The following SUGCT variants were observed in gnomAD, a reference collection of about 807,000 sequenced individuals.
The protein encoded by SUGCT is succinyl-CoA:glutarate CoA-transferase.
SUGCT carries 41 observed loss-of-function variants against 55.0 expected under a neutral mutation model. The ratio of observed to expected loss-of-function variants is 0.74; its 90% CI spans 0.58 to 0.97. The LOEUF (loss-of-function observed/expected upper bound fraction) is 0.97, where lower values mean the gene tolerates loss of function less well. Among genes scored for constraint, SUGCT ranks in the 50% least tolerant of loss-of-function variants. The probability of loss-of-function intolerance (pLI) is 0.00; values close to 1 mark genes in which losing one functional copy is unlikely to be tolerated. For synonymous variants in SUGCT, 187 were observed against 200.4 expected, an observed-to-expected ratio of 0.93 and a Z score of 0.56; for missense variants, 568 against 547.8, an observed-to-expected ratio of 1.04 and a Z score of -0.37.
chr7:40,247,092 C>T lies in SUGCT; in HGVS notation c.576+9366C>T, dbSNP rs769907103. ...TTCTGAATGCCTTTTGTTTGACATG[C>T]GTATTGATTTCTCTTGGTATATACC... On this transcript the variant is annotated intron_variant, in intron 7 of 13. Coordinates refer to ENST00000335693, the MANE Select transcript of SUGCT (RefSeq NM_001193313.2). Among the ~76,000 whole-genome samples, 5 of 152,032 alleles carry T rather than the reference C, an allele frequency of 3.3e-5. No homozygotes were observed. In the East Asian group the frequency reaches 5.8e-4, roughly 18 times the overall value.
intron 12 of SUGCT, among the ~76,000 whole-genome samples, chr7:40,666,601 A>G (rs1801657569): frequency 6.6e-6 from 1 of 151,936 alleles, no homozygotes; most frequent in South Asian, 2.1e-4. Flanking sequence ...GGAATGGAAA[A>G]AAGGAAAGCC....
chr7:40,147,362 C>T (rs1788308699), intron 1 of SUGCT, among the ~76,000 whole-genome samples: 2 of 152,176 alleles, frequency 1.3e-5, no homozygotes, highest in African/African-American at 4.8e-5. Flanking sequence ...GGTTCAACCC[C>T]CGCCTTCAAT....
chr7:40,778,139 G>A (rs1333167491), intron 13 of SUGCT, among the ~76,000 whole-genome samples: 2 of 152,154 alleles, frequency 1.3e-5, no homozygotes, highest in Non-Finnish European at 2.9e-5. Context: ...GAAAGCCAGT[G>A]GTTAACCACT....
intron 12 of SUGCT, among the ~76,000 whole-genome samples, chr7:40,519,209 A>C (rs1793402079): frequency 6.6e-6 from 1 of 152,136 alleles, no homozygotes; most frequent in Non-Finnish European, 1.5e-5. Context: ...AATGACAAGG[A>C]AAGACTGAGT....
At chr7:40,387,907 AAG>A (rs1207035313) in intron 9 of SUGCT, 3 of 152,134 alleles carry the variant, frequency 2.0e-5, no homozygotes. Context: ...ACAGATGAGG[AAG>A]AGAGTTTGTT....
intron 9 of SUGCT, among the ~76,000 whole-genome samples, chr7:40,356,986 C>A (rs1431795254): frequency 6.6e-6 from 1 of 152,190 alleles, no homozygotes; most frequent in East Asian, 1.9e-4. Context: ...ATTAATATTT[C>A]TAAACAAATT....
intron 12 of SUGCT, among the ~76,000 whole-genome samples, chr7:40,523,067 G>A (rs1446993650): frequency 1.3e-5 from 2 of 152,076 alleles, no homozygotes; most frequent in Non-Finnish European, 2.9e-5. Flanking sequence ...TTTTACGATA[G>A]TGTCAATGGA....
At chr7:40,377,218 T>TTCC (rs1562728902) in intron 9 of SUGCT, among the ~76,000 whole-genome samples, 1 of 7,064 alleles carries the variant, frequency 1.4e-4, no homozygotes, top group Non-Finnish European at 5.1e-4. Context: ...CTTTTCTTTC[T>TTCC]TTTCTTTCTT....
intron 11 of SUGCT, among the ~76,000 whole-genome samples, chr7:40,461,756 C>A (rs1789817708): frequency 6.6e-6 from 1 of 152,140 alleles, no homozygotes; most frequent in Admixed American, 6.5e-5. Context: ...TACATTAGCT[C>A]ATAGCCACAA....
chr7:40,560,748 G>A (rs1562861823), intron 12 of SUGCT, among the ~76,000 whole-genome samples: 1 of 152,332 alleles, frequency 6.6e-6, no homozygotes, highest in African/African-American at 2.4e-5. Flanking sequence ...TTGATGTGCA[G>A]TGTATCCCCA....
chr7:40,752,544 C>T (rs1288158464), intron 13 of SUGCT, among the ~76,000 whole-genome samples: 2 of 152,004 alleles, frequency 1.3e-5, no homozygotes, highest in African/African-American at 2.4e-5. Flanking sequence ...TTAGTAGAGA[C>T]GGGATTTCAC....
the SUGCT span, among the ~76,000 whole-genome samples, chr7:40,894,346 C>CT: frequency 6.6e-6 from 1 of 152,106 alleles, no homozygotes; most frequent in African/African-American, 2.4e-5. Context: ...AAATGCAAAA[C>CT]TTAAAACTAC....
In SUGCT at chr7:40,227,043, C is replaced by CTTT. The variant is rs35073564; in HGVS notation, c.485-10573_485-10571dup. Reference sequence around the variant, plus strand: ...AAGTAGAGAGAATAGTTTAATAGATCTTTTTTTTTTTTTTTTTTTTTGAGA... The same window carrying CTTT: ...AAGTAGAGAGAATAGTTTAATAGATCTTTTTTTTTTTTTTTTTTTTTTTTGAGA... On this transcript the variant is annotated intron_variant, in intron 6 of 13. Transcript: ENST00000335693. Among the ~76,000 whole-genome samples, 489 of 96,212 alleles carry CTTT rather than the reference C, an allele frequency of 5.1e-3. 6 individuals are homozygous for CTTT. The highest frequency in any genetic ancestry group is 6.9e-3 in the Non-Finnish European group (350 of 50,850). 63.1% of individuals were successfully genotyped at this position (96,212 alleles called of 152,430 possible).
chr7:40,220,080 C>T (rs929923967), intron 6 of SUGCT, among the ~76,000 whole-genome samples: 5 of 152,120 alleles, frequency 3.3e-5, no homozygotes, highest in African/African-American at 1.2e-4. Context: ...GCTTCTTAAT[C>T]CTTTGCACCA....
chr7:40,258,929 T>C (rs1329641288), intron 7 of SUGCT, among the ~76,000 whole-genome samples: 2 of 152,142 alleles, frequency 1.3e-5, no homozygotes, highest in Non-Finnish European at 2.9e-5. Context: ...AATGAATGAA[T>C]AAATGGATAA....
the SUGCT span, among the ~76,000 whole-genome samples, chr7:41,010,345 G>T: frequency 6.6e-6 from 1 of 152,152 alleles, no homozygotes; most frequent in African/African-American, 2.4e-5. Flanking sequence ...CCAAATAATT[G>T]CAGACATTGA....
chr7:40,467,125 C>T (rs113054514), intron 11 of SUGCT, among the ~76,000 whole-genome samples: 234 of 146,626 alleles, frequency 1.6e-3, no homozygotes, highest in African/African-American at 5.8e-3. Context: ...TTGCTTGAAC[C>T]TGGGAGGCGG....
chr7:40,414,841 G>A (rs1786881401), intron 9 of SUGCT, among the ~76,000 whole-genome samples: 1 of 151,758 alleles, frequency 6.6e-6, no homozygotes, highest in Non-Finnish European at 1.5e-5. Context: ...TCAAGAGTTG[G>A]ACACCAGCCT....
At chr7:40,554,719 G>A (rs1313680580) in intron 12 of SUGCT, among the ~76,000 whole-genome samples, 1 of 152,108 alleles carries the variant, frequency 6.6e-6, no homozygotes, top group African/African-American at 2.4e-5. Context: ...TGTCATATAT[G>A]TCAGTTTCTC....
Sources: gnomAD v4.1 joint callset for allele counts (sites outside exome capture counted in the v4.1 genomes callset) on GRCh38, gnomAD v4.1.1 for gene constraint, MANE v1.5 for transcripts, NCBI Gene and HGNC (gene_info 2026-07-23, HGNC 2026-07-21) for gene names.